Variants in ALK observed in about 807,000 individuals in gnomAD.
The protein encoded by ALK is ALK receptor tyrosine kinase.
In ALK, 74 loss-of-function variants were observed where a neutral mutation model predicts 163.1. The observed-to-expected ratio is 0.45, with a 90% CI of 0.38 to 0.55. ALK has a LOEUF of 0.55. Among genes scored for constraint, ALK ranks in the 20% least tolerant of loss-of-function variants. ALK has a pLI of 0.00. For missense variants in ALK, 2,063 were observed against 2,105.3 expected, an observed-to-expected ratio of 0.98 and a Z score of 0.39; for synonymous variants, 960 against 843.2, an observed-to-expected ratio of 1.14 and a Z score of -2.40.
At chr2:29,225,960 G>A (rs542910432) in intron 18 of ALK, among the ~76,000 whole-genome samples, 16 of 152,234 alleles carry the variant, frequency 1.1e-4, no homozygotes, top group Non-Finnish European at 2.1e-4. Context: ...CTTCCTTGTG[G>A]CCCTGAGGCA....
At chr2:29,267,169 G>A in intron 11 of ALK, among the ~76,000 whole-genome samples, 1 of 151,840 alleles carries the variant, frequency 6.6e-6, no homozygotes, top group Admixed American at 6.6e-5. Context: ...AGAAACCAAG[G>A]TTGGCCTCCA....
intron 4 of ALK, among the ~76,000 whole-genome samples, chr2:29,392,571 G>C (rs1035677476): frequency 2.0e-5 from 3 of 152,110 alleles, no homozygotes; most frequent in African/African-American, 7.2e-5. Flanking sequence ...GAATATGCAG[G>C]CTTGTTGGGG....
At chr2:29,734,684 A>T (rs936759273) in intron 1 of ALK, among the ~76,000 whole-genome samples, 1 of 152,132 alleles carries the variant, frequency 6.6e-6, no homozygotes, top group African/African-American at 2.4e-5. Flanking sequence ...ATATCCAAAT[A>T]TCAATGGCTA....
chr2:29,407,303 A>C (rs1669608902), intron 4 of ALK, among the ~76,000 whole-genome samples: 1 of 152,238 alleles, frequency 6.6e-6, no homozygotes, highest in Non-Finnish European at 1.5e-5. Flanking sequence ...AGAAGACCTG[A>C]CTTTCTAATT....
rs1164228525 is a variant in ALK, at chr2:29,639,376, C to T, written c.952+55474G>A. Among the ~76,000 whole-genome samples, 3 of 152,120 alleles carry T rather than the reference C, an allele frequency of 2.0e-5. No homozygotes were observed. In the East Asian group the frequency reaches 5.8e-4, roughly 29 times the overall value. On this transcript the variant is annotated intron_variant, in intron 3 of 28. Transcript: ENST00000389048. ...AGCAGGGCTCCTTCTGTGCACTGCC[C>T]CTGCCAGGACCACCCACAGATAGGA...
chr2:29,911,511 G>C (rs1297755092), intron 1 of ALK, among the ~76,000 whole-genome samples: 2 of 152,158 alleles, frequency 1.3e-5, no homozygotes, highest in Non-Finnish European at 2.9e-5. Context: ...TGCAGGATCT[G>C]TGCAGCAATA....
chr2:29,743,795 G>A (rs1295045241), intron 1 of ALK, among the ~76,000 whole-genome samples: 1 of 152,068 alleles, frequency 6.6e-6, no homozygotes, highest in Non-Finnish European at 1.5e-5. Context: ...ATGGGCCCCA[G>A]GTTTGCAGGC....
chr2:29,446,609 C>A (rs1416027325), intron 4 of ALK, among the ~76,000 whole-genome samples: 1 of 152,230 alleles, frequency 6.6e-6, no homozygotes, highest in African/African-American at 2.4e-5. Flanking sequence ...TCCGCCACCA[C>A]TGCCAAGATC....
intron 3 of ALK, among the ~76,000 whole-genome samples, chr2:29,692,227 T>C (rs1385972443): frequency 6.6e-6 from 1 of 152,172 alleles, no homozygotes; most frequent in Non-Finnish European, 1.5e-5. Context: ...GCAATACTGA[T>C]GAGGATGTAA....
intron 4 of ALK, among the ~76,000 whole-genome samples, chr2:29,461,927 T>C (rs1054732590): frequency 6.6e-6 from 1 of 152,206 alleles, no homozygotes; most frequent in African/African-American, 2.4e-5. Context: ...AAGAATATTT[T>C]TGATTTGTAG....
intron 4 of ALK, among the ~76,000 whole-genome samples, chr2:29,500,030 G>T (rs1672127032): frequency 6.6e-6 from 1 of 151,068 alleles, no homozygotes; most frequent in African/African-American, 2.4e-5. Context: ...GTTGGATGGT[G>T]CCCACTCCTC....
At chr2:29,635,323 G>C (rs1417437052) in intron 3 of ALK, among the ~76,000 whole-genome samples, 1 of 152,180 alleles carries the variant, frequency 6.6e-6, no homozygotes, top group Non-Finnish European at 1.5e-5. Flanking sequence ...TTAAATTAAA[G>C]ATCTTGACAA....
intron 4 of ALK, among the ~76,000 whole-genome samples, chr2:29,529,945 G>A (rs1673074415): frequency 6.6e-6 from 1 of 152,184 alleles, no homozygotes; most frequent in African/African-American, 2.4e-5. Context: ...TGGCCAGGTG[G>A]ACGTTGAGGC....
At chr2:29,433,714 A>G (rs1324279503) in intron 4 of ALK, among the ~76,000 whole-genome samples, 2 of 149,850 alleles carry the variant, frequency 1.3e-5, no homozygotes, top group African/African-American at 4.9e-5. Flanking sequence ...TAGTTTGTCA[A>G]CTTAAAAAAA....
intron 2 of ALK, among the ~76,000 whole-genome samples, chr2:29,709,625 G>T (rs1263149170): frequency 6.6e-6 from 1 of 152,124 alleles, no homozygotes; most frequent in African/African-American, 2.4e-5. Flanking sequence ...CCAAGTAGCG[G>T]GGAGACACAT....
Position 29,329,492 on chromosome 2 carries a change from G to T in ALK, c.1283-1011C>A, listed in dbSNP as rs140998979. Among the ~76,000 whole-genome samples the T allele has an allele frequency of 7.1e-3, 1,075 of 152,314 alleles. 6 individuals carry two copies. The highest frequency in any genetic ancestry group is 0.024 in the Middle Eastern group (7 of 294). On this transcript the variant is annotated intron_variant, in intron 5 of 28. Transcript: ENST00000389048. ...TCACCTGGGTCAACACCCCGAGTGA[G>T]CCTGCCTTACTCTCTGCCTTGTTTT...
At chr2:29,809,806 C>G (rs187291800) in intron 1 of ALK, among the ~76,000 whole-genome samples, 80 of 152,322 alleles carry the variant, frequency 5.3e-4, no homozygotes, top group Middle Eastern at 3.4e-3. Flanking sequence ...TATTGTCCAG[C>G]AGGTTTGTGA....
intron 4 of ALK, among the ~76,000 whole-genome samples, chr2:29,399,570 T>C (rs1265271588): frequency 6.6e-6 from 1 of 152,172 alleles, no homozygotes; most frequent in African/African-American, 2.4e-5. Context: ...GGCTTGGGAT[T>C]GGGATTTCTA....
chr2:29,407,695 G>T (rs554543817), intron 4 of ALK, among the ~76,000 whole-genome samples: 1 of 152,194 alleles, frequency 6.6e-6, no homozygotes, highest in African/African-American at 2.4e-5. Context: ...ACATGCTGTG[G>T]ATCAATTCCC....
Sources: gnomAD v4.1 joint callset for allele counts (sites outside exome capture counted in the v4.1 genomes callset) on GRCh38, gnomAD v4.1.1 for gene constraint, MANE v1.5 for transcripts, NCBI Gene and HGNC (gene_info 2026-07-23, HGNC 2026-07-21) for gene names.